Variants in HPSE2 observed in about 807,000 individuals in gnomAD.
HPSE2 encodes the protein heparanase 2 (inactive), also known as inactive heparanase-2.
Under a neutral mutation model 60.5 loss-of-function variants are expected in HPSE2, and 38 were observed. The ratio of observed to expected loss-of-function variants is 0.63; its 90% CI spans 0.48 to 0.82. The LOEUF is 0.82. Among genes scored for constraint, HPSE2 ranks in the 40% least tolerant of loss-of-function variants. The pLI is 0.00. For missense variants in HPSE2, 713 were observed against 740.4 expected, an observed-to-expected ratio of 0.96 and a Z score of 0.43; for synonymous variants, 295 against 293.2, an observed-to-expected ratio of 1.01 and a Z score of -0.06.
chr10:98,831,549 A>G (rs900583491), intron 3 of HPSE2, among the ~76,000 whole-genome samples: 1 of 152,240 alleles, frequency 6.6e-6, no homozygotes, highest in Non-Finnish European at 1.5e-5. Flanking sequence ...AAGAACCTGC[A>G]TTTTAGACCC....
At chr10:98,864,421 T>G (rs1254076943) in intron 3 of HPSE2, among the ~76,000 whole-genome samples, 5 of 152,162 alleles carry the variant, frequency 3.3e-5, no homozygotes, top group African/African-American at 1.2e-4. Context: ...CTCCACCAAG[T>G]ACCAATTTTT....
the HPSE2 span, among the ~76,000 whole-genome samples, chr10:99,269,813 A>T: frequency 6.6e-6 from 1 of 152,176 alleles, no homozygotes; most frequent in Non-Finnish European, 1.5e-5. Context: ...TTGGAAATCA[A>T]CTCCGAAAGG....
intron 9 of HPSE2, among the ~76,000 whole-genome samples, chr10:98,544,963 A>T (rs949030136): frequency 3.3e-5 from 5 of 152,032 alleles, no homozygotes; most frequent in African/African-American, 4.8e-5. Flanking sequence ...AAAAAATGAC[A>T]AAGGGGATAT....
intron 3 of HPSE2, among the ~76,000 whole-genome samples, chr10:99,008,914 AC>A (rs1349417148): frequency 1.3e-5 from 2 of 152,142 alleles, no homozygotes; most frequent in African/African-American, 4.8e-5. Flanking sequence ...ATTTCTAAAA[AC>A]ATCCATTATT....
At chr10:99,167,796 T>C (rs1847141488) in intron 2 of HPSE2, among the ~76,000 whole-genome samples, 1 of 152,122 alleles carries the variant, frequency 6.6e-6, no homozygotes, top group African/African-American at 2.4e-5. Context: ...CTATGGTTTT[T>C]GGGGATTGAG....
chr10:98,885,013 A>G (rs968913059), intron 3 of HPSE2, among the ~76,000 whole-genome samples: 3 of 152,184 alleles, frequency 2.0e-5, no homozygotes, highest in Non-Finnish European at 4.4e-5. Context: ...AAGCAAATTG[A>G]AAACCTATGG....
intron 2 of HPSE2, among the ~76,000 whole-genome samples, chr10:99,168,315 G>A (rs1030034289): frequency 2.0e-5 from 3 of 152,070 alleles, no homozygotes; most frequent in African/African-American, 7.2e-5. Context: ...GGTACTTTGA[G>A]TTCTGCTGCC....
intron 3 of HPSE2, among the ~76,000 whole-genome samples, chr10:98,817,690 T>C (rs1951323510): frequency 6.6e-6 from 1 of 152,198 alleles, no homozygotes; most frequent in African/African-American, 2.4e-5. Context: ...CTTCTGACTC[T>C]AAAGCTTCCC....
intron 3 of HPSE2, among the ~76,000 whole-genome samples, chr10:98,881,645 T>C (rs570452486): frequency 3.3e-5 from 5 of 152,198 alleles, no homozygotes; most frequent in African/African-American, 1.2e-4. Context: ...TTAGACCATA[T>C]ATAACTATTG....
chr10:98,967,116 T>C (rs185090809), intron 3 of HPSE2, among the ~76,000 whole-genome samples: 1 of 152,332 alleles, frequency 6.6e-6, no homozygotes, highest in East Asian at 1.9e-4. Flanking sequence ...CAAACGGTTT[T>C]TTTCCGAGCA....
At chr10:98,793,515 C>T (rs191996716) in intron 3 of HPSE2, among the ~76,000 whole-genome samples, 165 of 152,278 alleles carry the variant, frequency 1.1e-3, no homozygotes, top group Non-Finnish European at 2.0e-3. Context: ...TGGAAGTCAT[C>T]AGAACAGACA....
rs568049701 is a variant in HPSE2 at position 98,931,744 on chromosome 10, T to G, written c.611-187688A>C. Among the ~76,000 whole-genome samples the G allele has an allele frequency of 3.4e-4, 49 of 143,608 alleles. 6 individuals carry two copies. Among genetic ancestry groups the G allele is most frequent in the Admixed American group, 6.9e-4 (10 of 14,414 alleles). 94.2% of individuals were successfully genotyped at this position (143,608 alleles called of 152,430 possible). On this transcript the variant is annotated intron_variant, in intron 3 of 11. Coordinates refer to ENST00000370552, the MANE Select transcript of HPSE2 (RefSeq NM_021828.5). ...CTTTGTCACAATTGTGAATGGGAGT[T>G]CATTCACGATTTTGATTTCTGCTTG...
intron 3 of HPSE2, among the ~76,000 whole-genome samples, chr10:99,021,414 A>G (rs1957259863): frequency 6.6e-6 from 1 of 152,170 alleles, no homozygotes; most frequent in Non-Finnish European, 1.5e-5. Context: ...CTTATAAAAG[A>G]CCAGAGCCGG....
intron 5 of HPSE2, among the ~76,000 whole-genome samples, chr10:98,697,082 G>C (rs147468932): frequency 3.3e-4 from 50 of 152,268 alleles, no homozygotes; most frequent in African/African-American, 1.2e-3. Flanking sequence ...CAAAAGGCCA[G>C]AGTGCCTCTT....
intron 11 of HPSE2, among the ~76,000 whole-genome samples, chr10:98,475,576 C>CT (rs1210714001): frequency 3.8e-5 from 4 of 105,514 alleles, no homozygotes; most frequent in African/African-American, 1.8e-4. Context: ...TTGTTGGCAT[C>CT]TTTCCCTCTG....
intron 3 of HPSE2, among the ~76,000 whole-genome samples, chr10:98,994,029 A>T (rs529569269): frequency 6.6e-6 from 1 of 152,188 alleles, no homozygotes; most frequent in East Asian, 1.9e-4. Context: ...GTTCACTATT[A>T]TATTTCTTTC....
intron 11 of HPSE2, among the ~76,000 whole-genome samples, chr10:98,480,317 C>G (rs1321289525): frequency 6.6e-6 from 1 of 152,118 alleles, no homozygotes; most frequent in African/African-American, 2.4e-5. Flanking sequence ...CTCCTGACCT[C>G]AAGTAATCCC....
In HPSE2 at chr10:99,049,455, C is replaced by G. The variant is rs574896536; in HGVS notation, c.610+94783G>C. 8.0e-4 allele frequency among the ~76,000 whole-genome samples: 122 copies of G among 152,086 alleles called. No individual in the cohort carries two copies. In the Middle Eastern group the frequency reaches 0.01, roughly 13 times the overall value. ...CCAAGTAAGATAAACATCAAGAGAT[C>G]CAAACCTAGTATCACAGTCAAATTT... On this transcript the variant is annotated intron_variant, in intron 3 of 11. Coordinates refer to ENST00000370552, the MANE Select transcript of HPSE2 (RefSeq NM_021828.5).
intron 2 of HPSE2, among the ~76,000 whole-genome samples, chr10:99,202,516 T>C (rs942253832): frequency 3.9e-5 from 6 of 152,342 alleles, no homozygotes; most frequent in Non-Finnish European, 8.8e-5. Flanking sequence ...TAACCCCTGC[T>C]GAACTTCAGT....
Sources: allele counts gnomAD v4.1 joint callset (sites outside exome capture counted in the v4.1 genomes callset), GRCh38; gene constraint gnomAD v4.1.1; transcripts MANE v1.5; gene names NCBI Gene and HGNC (gene_info 2026-07-23, HGNC 2026-07-21).